VPS54: variants seen among roughly 807,000 people sequenced by gnomAD.
The protein encoded by VPS54 is vacuolar protein sorting-associated protein 54.
In VPS54, 45 loss-of-function variants were observed where a neutral mutation model predicts 121.5. The observed-to-expected ratio is 0.37, with a 90% confidence interval of 0.29 to 0.47. The LOEUF (loss-of-function observed/expected upper bound fraction) is 0.47, where lower values mean the gene tolerates loss of function less well. Among genes scored for constraint, VPS54 ranks in the 20% least tolerant of loss-of-function variants. The pLI is 0.99. For synonymous variants in VPS54, 371 were observed against 385.8 expected (o/e 0.96, Z 0.45); for missense variants, 1,090 against 1,131.4 (o/e 0.96, Z 0.52).
intron 20 of VPS54, among the ~76,000 whole-genome samples, chr2:63,902,566 C>A (rs1176859195): frequency 2.0e-5 from 3 of 150,798 alleles, no homozygotes; most frequent in East Asian, 3.9e-4. Flanking sequence ...AAAAAAAAAA[C>A]AAAATATACA....
chr2:63,922,034 A>G (rs1197610685), intron 12 of VPS54, among the ~76,000 whole-genome samples: 1 of 152,210 alleles, frequency 6.6e-6, no homozygotes, highest in Non-Finnish European at 1.5e-5. Flanking sequence ...TATAATTATG[A>G]ATGAGTATAA....
chr2:63,912,912 G>C (rs1673216435), intron 18 of VPS54, among the ~76,000 whole-genome samples: 1 of 152,042 alleles, frequency 6.6e-6, no homozygotes, highest in African/African-American at 2.4e-5. Context: ...ACAATAACAA[G>C]ACAACTGATT....
Position 63,989,147 on chromosome 2 carries a change from C to T in VPS54, c.-20-5128G>A, listed in dbSNP as rs374382972. On this transcript the variant is annotated intron_variant, in intron 1 of 22. Transcript: ENST00000272322. Reference sequence around the variant, plus strand: ...CCTGCCTAGTAAATTGTAGTCAGACCGGCTATCTTCTCTCAAACCCTGTTT... The same window carrying T: ...CCTGCCTAGTAAATTGTAGTCAGACTGGCTATCTTCTCTCAAACCCTGTTT... Among the ~76,000 whole-genome samples, 78 of 152,202 alleles carry T rather than the reference C, an allele frequency of 5.1e-4. 2 individuals are homozygous for T. In the East Asian group the frequency reaches 7.7e-3, roughly 15 times the overall value.
At chr2:63,942,084 A>G (rs901128351) in intron 11 of VPS54, among the ~76,000 whole-genome samples, 2 of 151,794 alleles carry the variant, frequency 1.3e-5, no homozygotes, top group Non-Finnish European at 2.9e-5. Context: ...TATAAACAAT[A>G]TATTTTAAAA....
At position 63,961,968 on chromosome 2, in the gene VPS54, G is replaced by A. The variant is rs1575962109; in HGVS notation, c.1010+90C>T. The A allele has an allele frequency of 2.5e-5, 32 of 1,303,020 alleles. No individual in the cohort carries two copies. The East Asian group carries it at 7.5e-4, about 30-fold the overall frequency. 80.7% of individuals were successfully genotyped at this position (1,303,020 alleles called of 1,614,324 possible). ...GAAGAAAAAATATCCATTTAACTTT[G>A]AATATATTCACACTTTTAACATTAC... is the stretch of plus-strand genomic sequence containing the variant. On this transcript the variant is annotated intron_variant, in intron 7 of 22. Transcript: ENST00000272322.
intron 7 of VPS54, among the ~76,000 whole-genome samples, chr2:63,951,537 A>G (rs919026488): frequency 3.3e-5 from 5 of 152,158 alleles, no homozygotes; most frequent in African/African-American, 1.2e-4. Context: ...TGGTTATGAA[A>G]TTATTACAGT....
intron 1 of VPS54, among the ~76,000 whole-genome samples, chr2:64,013,663 T>A (rs1678547586): frequency 7.0e-6 from 1 of 141,968 alleles, no homozygotes; most frequent in Non-Finnish European, 1.5e-5. Context: ...TATATATTGA[T>A]ATATATATCT....
chr2:64,012,705 A>G (rs1678485789), intron 1 of VPS54, among the ~76,000 whole-genome samples: 1 of 142,474 alleles, frequency 7.0e-6, no homozygotes, highest in African/African-American at 3.0e-5. Flanking sequence ...AAAAAAAAAA[A>G]GAAAAGAAAA....
intron 6 of VPS54, 75 bp from the exon 7 acceptor site, chr2:63,962,518 T>A (rs531765133): frequency 1.4e-6 from 2 of 1,456,612 alleles, no homozygotes; most frequent in Non-Finnish European, 1.8e-6. Flanking sequence ...TTTATGACAA[T>A]GATAAAAGAT....
intron 6 of VPS54, 110 bp from the exon 7 acceptor site, chr2:63,962,553 T>C: frequency 7.6e-7 from 1 of 1,308,412 alleles, no homozygotes; most frequent in Non-Finnish European, 1.0e-6. Flanking sequence ...TAAATTCCAT[T>C]GTGTGAATTG....
rs1353541433 is a variant in VPS54 at position 63,912,623 on chromosome 2, T to C, written c.2461A>G (p.Ile821Val). The C allele has an allele frequency of 5.7e-6, 9 of 1,590,414 alleles. No homozygotes were observed. Among genetic ancestry groups the C allele is most frequent in the South Asian group, 1.2e-5 (1 of 86,046 alleles). Residue 821 changes from isoleucine (I) to valine (V), a missense_variant, in exon 19 of 23, where the codon ATT becomes GTT. Coordinates refer to ENST00000272322, the MANE Select transcript of VPS54 (RefSeq NM_016516.3). ...TCAAAATGAGCCCGGATCACAGGAA[T>C]GTAGTGCACAATTAACTGCAAACAT... ...SRCLQLIVHY[I>V]PVIRAHFEAR...
At chr2:63,922,104 C>G (rs1218945731) in intron 12 of VPS54, among the ~76,000 whole-genome samples, 9 of 152,162 alleles carry the variant, frequency 5.9e-5, no homozygotes, top group Non-Finnish European at 1.2e-4. Flanking sequence ...GCGCTAGGCA[C>G]TAGAGGGAAT....
chr2:63,944,026 C>G (rs1336180553), intron 10 of VPS54, among the ~76,000 whole-genome samples: 1 of 151,518 alleles, frequency 6.6e-6, no homozygotes, highest in African/African-American at 2.4e-5. Context: ...GTCAATGCGC[C>G]TGGCCAAGAA....
Position 63,942,493 on chromosome 2 carries a change from T to G in VPS54, c.1370A>C (p.Lys457Thr). ...CACTCTCTGTAGGAAAATTGTAAAC[T>G]TAGAGAAAATATCCTTGAGCAGATC... ...WFDLLKDIFS[K>T]FTIFLQRVKA... is the part of the protein sequence containing the mutation. The change falls in exon 11 of 23, where the codon AAG becomes ACG. Residue 457 changes from lysine (K) to threonine (T), a missense_variant. Transcript: ENST00000272322. 1 of 1,596,772 alleles carries G rather than the reference T, an allele frequency of 6.3e-7. No homozygotes were observed. Among genetic ancestry groups the G allele is most frequent in the African/African-American group, 1.3e-5 (1 of 74,594 alleles).
At chr2:63,917,860 G>C (rs1673461512) in intron 15 of VPS54, among the ~76,000 whole-genome samples, 1 of 151,872 alleles carries the variant, frequency 6.6e-6, no homozygotes, top group East Asian at 1.9e-4. Context: ...TAGACAAGTT[G>C]CTTAACCTCT....
chr2:63,942,901 A>C (rs1285572829), intron 10 of VPS54, among the ~76,000 whole-genome samples: 5 of 152,222 alleles, frequency 3.3e-5, no homozygotes, highest in Admixed American at 3.3e-4. Flanking sequence ...TGCTTTTCTA[A>C]CTACAACTTT....
At chr2:63,929,963 G>A (rs1179748061) in intron 12 of VPS54, among the ~76,000 whole-genome samples, 1 of 152,074 alleles carries the variant, frequency 6.6e-6, no homozygotes, top group African/African-American at 2.4e-5. Context: ...ACTAAACCAG[G>A]AAGAAGTTGA....
chr2:63,966,495 G>A (rs550576268), intron 5 of VPS54, among the ~76,000 whole-genome samples: 5 of 152,178 alleles, frequency 3.3e-5, no homozygotes, highest in African/African-American at 4.8e-5. Flanking sequence ...AGGCCTACCC[G>A]TTATATTTTG....
chr2:63,931,555 G>A (rs1674203853), intron 12 of VPS54, among the ~76,000 whole-genome samples: 1 of 152,186 alleles, frequency 6.6e-6, no homozygotes, highest in African/African-American at 2.4e-5. Flanking sequence ...AAAACTCCTA[G>A]AAGAAAACCT....
Sources: allele counts gnomAD v4.1 joint callset (sites outside exome capture counted in the v4.1 genomes callset), GRCh38; gene constraint gnomAD v4.1.1; transcripts MANE v1.5; gene names NCBI Gene and HGNC (gene_info 2026-07-23, HGNC 2026-07-21).